The following DMD variants were observed in gnomAD, a reference collection of about 807,000 sequenced individuals.
DMD encodes the protein dystrophin.
A neutral mutation model predicts 330.1 loss-of-function variants in DMD; 63 were observed. The observed-to-expected ratio is 0.19, with a 90% CI of 0.16 to 0.24. The LOEUF is 0.24. Among genes scored for constraint, DMD ranks in the 10% least tolerant of loss-of-function variants. The pLI is 1.00. For missense variants in DMD, 3,344 were observed against 2,684.1 expected (o/e 1.25, Z -5.43); for synonymous variants, 1,223 against 959.8 (o/e 1.27, Z -5.07).
intron 1 of DMD, among the ~76,000 whole-genome samples, chrX:33,298,139 G>A (rs2053609867): frequency 9.0e-6 from 1 of 110,754 alleles, no homozygotes; most frequent in Non-Finnish European, 1.9e-5. Context: ...CTACAAAAAG[G>A]ACAAACTGAT....
At chrX:31,281,815 G>A (rs1028947218) in intron 62 of DMD, among the ~76,000 whole-genome samples, 2 of 111,699 alleles carry the variant, frequency 1.8e-5, no homozygotes, top group South Asian at 7.4e-4. Context: ...AAAGAATCCC[G>A]TTCCCATAAA....
At chrX:31,126,548 C>T (rs1212142049) in intron 78 of DMD, 94 bp downstream of exon 78, 13 of 736,657 alleles carry the variant, frequency 1.8e-5, no homozygotes, top group Middle Eastern at 2.9e-4. Flanking sequence ...TACACACATG[C>T]GCGTGCACAC....
chrX:31,180,503 C>T, intron 68 of DMD, 22 bp from the exon 69 acceptor site: 5 of 988,321 alleles, frequency 5.1e-6, no homozygotes, highest in Non-Finnish European at 7.2e-6. Context: ...CAAAAACAAA[C>T]ACGTATGTAT....
chrX:31,972,150 G>C (rs763980972), intron 44 of DMD, among the ~76,000 whole-genome samples: 1 of 111,592 alleles, frequency 9.0e-6, no homozygotes, highest in Non-Finnish European at 1.9e-5. Flanking sequence ...CATGTGCAGA[G>C]AGTTGGGAAG....
chrX:32,198,343 A>G (rs967860568), intron 44 of DMD, among the ~76,000 whole-genome samples: 1 of 111,816 alleles, frequency 8.9e-6, no homozygotes, highest in African/African-American at 3.2e-5. Context: ...TTTCAAAATA[A>G]TGGTAGCGTT....
rs2095369975 is a variant in DMD, at chrX:31,968,416, A to G, written c.6537T>C (p.Ser2179=). Reference sequence around the variant, plus strand: ...GGCTTCCCAATTTTTCCTGTAGAATACTGGCATCTGTTTTTGAGGATTGCT... The same window carrying G: ...GGCTTCCCAATTTTTCCTGTAGAATGCTGGCATCTGTTTTTGAGGATTGCT... ...IIQQSSKTDA[S]ILQEKLGSLN... Residue 2179 remains serine (S), a synonymous_variant, in exon 45 of 79, where the codon AGT becomes AGC. Coordinates refer to ENST00000357033, the MANE Select transcript of DMD (RefSeq NM_004006.3). 8.3e-7 allele frequency: 1 copy of G among 1,209,003 alleles called. No individual in the cohort carries two copies. Among genetic ancestry groups the G allele is most frequent in the African/African-American group, 1.8e-5 (1 of 57,085 alleles).
intron 44 of DMD, among the ~76,000 whole-genome samples, chrX:32,173,441 C>T (rs1303316806): frequency 7.2e-5 from 8 of 110,946 alleles, no homozygotes; most frequent in Non-Finnish European, 1.1e-4. Context: ...GGCGCGATCT[C>T]GGCTCACTGC....
intron 44 of DMD, among the ~76,000 whole-genome samples, chrX:32,204,481 A>G (rs1045716467): frequency 1.8e-5 from 2 of 111,901 alleles, no homozygotes; most frequent in Non-Finnish European, 3.8e-5. Flanking sequence ...ACTATTTTCC[A>G]AAAGTATTAG....
intron 44 of DMD, among the ~76,000 whole-genome samples, chrX:32,215,354 T>C (rs1344147828): frequency 2.7e-5 from 3 of 111,102 alleles, no homozygotes; most frequent in Non-Finnish European, 5.7e-5. Context: ...CTTAACTGAC[T>C]TCAAGAACAA....
At chrX:31,257,866 A>G (rs760800227) in intron 63 of DMD, among the ~76,000 whole-genome samples, 1 of 112,090 alleles carries the variant, frequency 8.9e-6, no homozygotes, top group South Asian at 3.7e-4. Flanking sequence ...GAATCACTTC[A>G]TCCTGGGGAG....
chrX:33,100,934 A>T (rs906782175), intron 1 of DMD, among the ~76,000 whole-genome samples: 1 of 110,974 alleles, frequency 9.0e-6, no homozygotes, highest in Non-Finnish European at 1.9e-5. Flanking sequence ...AGCAACTATA[A>T]CCTATGGATA....
intron 55 of DMD, among the ~76,000 whole-genome samples, chrX:31,555,234 C>A (rs1009237609): frequency 1.2e-4 from 13 of 111,417 alleles, no homozygotes; most frequent in Admixed American, 3.8e-4. Flanking sequence ...TAGCTGATTT[C>A]AAGCAACTAA....
intron 60 of DMD, among the ~76,000 whole-genome samples, chrX:31,360,548 C>T (rs1310262169): frequency 1.8e-5 from 2 of 112,125 alleles, no homozygotes; most frequent in African/African-American, 6.5e-5. Flanking sequence ...ATGGAGAAAG[C>T]GAAGAGAGGA....
At chrX:32,618,118 A>T (rs1434380207) in intron 11 of DMD, among the ~76,000 whole-genome samples, 1 of 112,163 alleles carries the variant, frequency 8.9e-6, no homozygotes, top group African/African-American at 3.2e-5. Context: ...GATTCCACAA[A>T]GACCTCAAAA....
At chrX:32,229,527 T>G (rs2097159975) in intron 43 of DMD, among the ~76,000 whole-genome samples, 1 of 104,784 alleles carries the variant, frequency 9.5e-6, no homozygotes, top group Non-Finnish European at 2.0e-5. Context: ...TACTACCAAT[T>G]AGAAGTAATC....
intron 29 of DMD, among the ~76,000 whole-genome samples, chrX:32,418,594 T>TTAAATTCC (rs1248657355): frequency 9.0e-6 from 1 of 111,315 alleles, no homozygotes; most frequent in Non-Finnish European, 1.9e-5. Flanking sequence ...AACAACCAAT[T>TTAAATTCC]TAAATTCCTG....
At chrX:31,432,159 A>G (rs749509650) in intron 60 of DMD, among the ~76,000 whole-genome samples, 1 of 112,191 alleles carries the variant, frequency 8.9e-6, no homozygotes, top group Admixed American at 9.4e-5. Context: ...AAGAGGTTCT[A>G]TATATAATCT....
intron 44 of DMD, among the ~76,000 whole-genome samples, chrX:32,193,583 C>T (rs1298158614): frequency 9.0e-6 from 1 of 111,457 alleles, no homozygotes; most frequent in Non-Finnish European, 1.9e-5. Context: ...AAGCAAATAA[C>T]CCTTTATTTT....
chrX:32,226,084 C>G (rs115248051), intron 43 of DMD, among the ~76,000 whole-genome samples: 1,929 of 111,733 alleles, frequency 0.017, 41 homozygotes, highest in African/African-American at 0.059. Flanking sequence ...CCTCTTCTCT[C>G]TAGCCCCACT....
Sources: allele counts gnomAD v4.1 joint callset (sites outside exome capture counted in the v4.1 genomes callset), GRCh38; gene constraint gnomAD v4.1.1; transcripts MANE v1.5; gene names NCBI Gene and HGNC (gene_info 2026-07-23, HGNC 2026-07-21).